Variants in ADAM18 observed in about 807,000 individuals in gnomAD.
ADAM18 encodes ADAM metallopeptidase domain 18.
Under a neutral mutation model 94.4 loss-of-function variants are expected in ADAM18, and 117 were observed. The observed-to-expected ratio is 1.24, with a 90% CI of 1.07 to 1.45. ADAM18 has a LOEUF of 1.45. ADAM18 is among the 40% of genes most tolerant of loss of function. The pLI, the probability that ADAM18 is intolerant of heterozygous loss-of-function variation, is 0.00. For missense variants in ADAM18, 936 were observed against 880.0 expected (o/e 1.06, Z -0.81); for synonymous variants, 327 against 291.6 (o/e 1.12, Z -1.24).
At chr8:39,694,606 A>G (rs1821872286) in intron 17 of ADAM18, among the ~76,000 whole-genome samples, 1 of 151,472 alleles carries the variant, frequency 6.6e-6, no homozygotes, top group Non-Finnish European at 1.5e-5. Flanking sequence ...TAAAAAAATT[A>G]GCAGACATTT....
chr8:39,616,726 C>T (rs1034629642), intron 6 of ADAM18, among the ~76,000 whole-genome samples: 2 of 152,116 alleles, frequency 1.3e-5, no homozygotes, highest in African/African-American at 4.8e-5. Context: ...CATCTACAAC[C>T]ATCTTATCTT....
chr8:39,689,593 G>A (rs878913035), intron 16 of ADAM18, among the ~76,000 whole-genome samples: 5 of 152,188 alleles, frequency 3.3e-5, no homozygotes, highest in African/African-American at 1.2e-4. Context: ...TTTGGTTACT[G>A]TAGCCCTGTA....
At chr8:39,609,192 C>T (rs1819186064) in intron 4 of ADAM18, 72 bp downstream of exon 4, 1 of 1,028,266 alleles carries the variant, frequency 9.7e-7, no homozygotes, top group African/African-American at 1.6e-5. Context: ...TTCATGTTGA[C>T]AGTTTAATAC....
rs868207967 is a variant in ADAM18, at chr8:39,706,830, A to G, written c.1943A>G (p.His648Arg). The change falls in exon 18 of 20, where the codon CAT (histidine) becomes CGT (arginine). Residue 648 changes from histidine (H) to arginine (R), a missense_variant. His to Arg is a conservative substitution (Grantham distance 29, BLOSUM62 0). Coordinates refer to ENST00000265707, the MANE Select transcript of ADAM18 (RefSeq NM_014237.3). ...GGTAATTGTCAATGCTTCCCTGGAC[A>G]TAGACCTCCAGATTGTAAATTCCAG... is the stretch of plus-strand genomic sequence containing the variant. ...NFGNCQCFPG[H>R]RPPDCKFQFG... 1.2e-6 allele frequency: 2 copies of G among 1,610,912 alleles called. No individual in the cohort carries two copies. Among genetic ancestry groups the G allele is most frequent in the African/African-American group, 1.3e-5 (1 of 74,932 alleles).
intron 17 of ADAM18, among the ~76,000 whole-genome samples, chr8:39,697,627 C>T (rs926235445): frequency 3.0e-4 from 46 of 151,718 alleles, no homozygotes; most frequent in African/African-American, 1.1e-3. Context: ...CTTTCTATTT[C>T]TTGCATTCCT....
At chr8:39,718,942 A>G (rs920843811) in intron 18 of ADAM18, among the ~76,000 whole-genome samples, 9 of 151,332 alleles carry the variant, frequency 5.9e-5, no homozygotes, top group African/African-American at 2.2e-4. Context: ...CATATAAGAA[A>G]ATTTCTGTCA....
chr8:39,667,263 G>A (rs752251730), intron 13 of ADAM18, among the ~76,000 whole-genome samples: 11 of 151,924 alleles, frequency 7.2e-5, no homozygotes, highest in African/African-American at 1.2e-4. Context: ...TTAGCCAGGC[G>A]TGGTGGCATG....
chr8:39,719,319 C>T (rs1822678907), intron 18 of ADAM18, among the ~76,000 whole-genome samples: 1 of 151,126 alleles, frequency 6.6e-6, no homozygotes, highest in African/African-American at 2.4e-5. Context: ...TATTTCACAC[C>T]ATGTTCAAAA....
intron 16 of ADAM18, among the ~76,000 whole-genome samples, chr8:39,682,787 C>A (rs748466223): frequency 6.6e-6 from 1 of 152,118 alleles, no homozygotes; most frequent in Non-Finnish European, 1.5e-5. Context: ...TACCCATGAA[C>A]CTAATCCACA....
chr8:39,601,626 T>C (rs7015539), intron 2 of ADAM18, among the ~76,000 whole-genome samples: 5,421 of 152,284 alleles, frequency 0.036, 244 homozygotes, highest in African/African-American at 0.11. Flanking sequence ...TGGGTCTTGG[T>C]TTTTTATCCA....
chr8:39,630,130 A>G (rs1042536084), intron 7 of ADAM18, among the ~76,000 whole-genome samples: 3 of 152,022 alleles, frequency 2.0e-5, no homozygotes, highest in Non-Finnish European at 2.9e-5. Context: ...CTTCAATAAT[A>G]GTAGTGTTTA....
intron 14 of ADAM18, 140 bp downstream of exon 14, chr8:39,668,336 G>GT: frequency 1.3e-6 from 1 of 772,228 alleles, no homozygotes; most frequent in Non-Finnish European, 2.0e-6. Context: ...AAGAAGAGTA[G>GT]TTTTTTAAGA....
chr8:39,726,507 C>G (rs1250105732), intron 19 of ADAM18, among the ~76,000 whole-genome samples: 2 of 151,974 alleles, frequency 1.3e-5, no homozygotes, highest in Non-Finnish European at 2.9e-5. Context: ...TATAGGCTGC[C>G]TTTTTATTTC....
intron 17 of ADAM18, among the ~76,000 whole-genome samples, chr8:39,702,289 CTTTTTTGAAAAGTTTCTGTTCA>C (rs1822102908): frequency 6.6e-6 from 1 of 151,854 alleles, no homozygotes; most frequent in Non-Finnish European, 1.5e-5. Flanking sequence ...GCATGTATGT[CTTTTTTGAAAAGTTTCTGTTCA>C]TGTCATTTGC....
intron 14 of ADAM18, among the ~76,000 whole-genome samples, chr8:39,672,460 G>A (rs1821182322): frequency 6.6e-6 from 1 of 152,164 alleles, no homozygotes; most frequent in Admixed American, 6.5e-5. Flanking sequence ...CCTACCAAGT[G>A]TCAGGGAGAG....
intron 18 of ADAM18, among the ~76,000 whole-genome samples, chr8:39,712,032 G>GC (rs60787071): frequency 0.31 from 41,975 of 133,694 alleles, 7,043 homozygotes; most frequent in East Asian, 0.71. Flanking sequence ...ATCAGAGAAG[G>GC]CCCCCCCCCG....
At chr8:39,661,916 A>C (rs1820851426) in intron 12 of ADAM18, among the ~76,000 whole-genome samples, 1 of 150,110 alleles carries the variant, frequency 6.7e-6, no homozygotes, top group African/African-American at 2.5e-5. Flanking sequence ...AGTGTTACAA[A>C]TTAGGCTTAT....
rs113272825 is a variant in ADAM18, at chr8:39,645,353, G to A, written c.925G>A (p.Gly309Ser). 8.1e-6 allele frequency: 13 copies of A among 1,610,886 alleles called. No homozygotes were observed. In the Admixed American group the frequency reaches 1.0e-4, roughly 12 times the overall value. ...AGIAMYPDAI[G>S]LEGFSVIIAQ... ...TTTATTTTAGTATCCAGATGCAATA[G>A]GTTTGGAGGGATTTTCGGTTATTAT... The change falls in exon 11 of 20, where the codon GGT (glycine) becomes AGT (serine). Residue 309 changes from glycine (G) to serine (S), a missense_variant. Gly to Ser is a moderately conservative substitution (Grantham distance 56, BLOSUM62 0). Coordinates refer to ENST00000265707, the MANE Select transcript of ADAM18 (RefSeq NM_014237.3).
At chr8:39,628,376 A>G (rs891878335) in intron 6 of ADAM18, among the ~76,000 whole-genome samples, 1 of 151,816 alleles carries the variant, frequency 6.6e-6, no homozygotes, top group African/African-American at 2.4e-5. Flanking sequence ...TAGATGATAG[A>G]CTGATAGATT....
Sources: allele counts gnomAD v4.1 joint callset (sites outside exome capture counted in the v4.1 genomes callset), GRCh38; gene constraint gnomAD v4.1.1; transcripts MANE v1.5; gene names NCBI Gene and HGNC (gene_info 2026-07-23, HGNC 2026-07-21).